GCSAML: variants seen among roughly 807,000 people sequenced by gnomAD.
GCSAML encodes the protein germinal center associated signaling and motility like.
In GCSAML, 9 loss-of-function variants were observed where a neutral mutation model predicts 13.0. That is an observed-to-expected ratio of 0.69 (90% CI 0.42 to 1.21). GCSAML has a LOEUF of 1.21. Ranked by LOEUF, GCSAML falls within the 50% of genes most tolerant of loss-of-function variation. The probability of loss-of-function intolerance (pLI) is 0.00; values close to 1 mark genes in which losing one functional copy is unlikely to be tolerated. For synonymous variants in GCSAML, 37 were observed against 52.9 expected, an observed-to-expected ratio of 0.70 and a Z score of 1.31; for missense variants, 143 against 153.4, an observed-to-expected ratio of 0.93 and a Z score of 0.36.
intron 1 of GCSAML, chr1:247,518,455 C>T (rs2103307014): frequency 6.6e-6 from 1 of 152,538 alleles, no homozygotes; most frequent in South Asian, 2.1e-4. Context: ...GCCGCCCTTT[C>T]CACGGTGACG....
chr1:247,550,446 G>T (rs1452442045), intron 1 of GCSAML, among the ~76,000 whole-genome samples: 1 of 152,084 alleles, frequency 6.6e-6, no homozygotes, highest in Non-Finnish European at 1.5e-5. Flanking sequence ...GACCATTCTG[G>T]CTAACACGGT....
intron 1 of GCSAML, among the ~76,000 whole-genome samples, chr1:247,515,085 T>C (rs1311849868): frequency 6.6e-6 from 1 of 152,212 alleles, no homozygotes; most frequent in African/African-American, 2.4e-5. Flanking sequence ...ATTGTACCCA[T>C]CCATGAGCAT....
chr1:247,551,717 C>T (rs1172011067), intron 1 of GCSAML, among the ~76,000 whole-genome samples: 1 of 152,142 alleles, frequency 6.6e-6, no homozygotes, highest in Admixed American at 6.5e-5. Flanking sequence ...ACACAGGAAC[C>T]TCAGAATGAA....
chr1:247,557,337 T>C (rs1463292260), intron 2 of GCSAML, among the ~76,000 whole-genome samples: 1 of 152,086 alleles, frequency 6.6e-6, no homozygotes, highest in Non-Finnish European at 1.5e-5. Context: ...GCTCAACCCT[T>C]GCAAGACACT....
chr1:247,535,149 CA>C (rs1448843152), intron 2 of GCSAML, among the ~76,000 whole-genome samples: 2 of 151,844 alleles, frequency 1.3e-5, no homozygotes, highest in African/African-American at 4.8e-5. Flanking sequence ...ATTGTCTTTA[CA>C]AAAAAATAAA....
intron 2 of GCSAML, among the ~76,000 whole-genome samples, chr1:247,537,176 T>A (rs1235893183): frequency 3.3e-5 from 5 of 152,248 alleles, no homozygotes; most frequent in Non-Finnish European, 7.3e-5. Flanking sequence ...TTTCTCTATG[T>A]ATGGATTTGC....
intron 3 of GCSAML, among the ~76,000 whole-genome samples, chr1:247,564,361 C>G (rs900561734): frequency 7.2e-6 from 1 of 138,084 alleles, no homozygotes; most frequent in Admixed American, 7.7e-5. Context: ...CCAGCCTGAG[C>G]AATGTAGCAA....
chr1:247,522,575 A>G (rs1666491140), intron 1 of GCSAML, among the ~76,000 whole-genome samples: 1 of 152,200 alleles, frequency 6.6e-6, no homozygotes, highest in African/African-American at 2.4e-5. Context: ...ACTAAGAAAA[A>G]TTATTCTGCC....
At chr1:247,522,191 C>T (rs1438128016) in intron 1 of GCSAML, among the ~76,000 whole-genome samples, 1 of 151,408 alleles carries the variant, frequency 6.6e-6, no homozygotes, top group African/African-American at 2.4e-5. Flanking sequence ...CGGCAGCCGC[C>T]CTGTCTGGGA....
At chr1:247,563,708 C>T in intron 3 of GCSAML, 69 bp downstream of exon 3, 2 of 815,076 alleles carry the variant, frequency 2.5e-6, no homozygotes, top group South Asian at 3.3e-5. Flanking sequence ...TTAGCAGACA[C>T]TCTTGAGCCT....
Position 247,537,668 on chromosome 1 carries a change from CT to C in GCSAML, c.-148+10624del, listed in dbSNP as rs925809774. The stretch of plus-strand genomic sequence containing the variant: ...CTTGTTATTTTCCACTTTTTACAAT[CT>C]TTTTTTTTTCCTTTATGGCCATCGT... On this transcript the variant is annotated intron_variant, in intron 2 of 5. Coordinates refer to the GCSAML transcript ENST00000366489. Among the ~76,000 whole-genome samples the C allele has an allele frequency of 2.9e-4, 43 of 150,354 alleles. No individual in the cohort carries two copies. The South Asian group carries it at 6.1e-3, about 21-fold the overall frequency.
intron 2 of GCSAML, among the ~76,000 whole-genome samples, chr1:247,562,033 G>T (rs1307797655): frequency 6.6e-6 from 1 of 152,028 alleles, no homozygotes; most frequent in Admixed American, 6.6e-5. Flanking sequence ...TAAAGGCAGG[G>T]GTAAATTTCA....
intron 2 of GCSAML, among the ~76,000 whole-genome samples, chr1:247,541,958 C>T (rs369776483): frequency 3.8e-4 from 56 of 148,354 alleles, no homozygotes; most frequent in African/African-American, 1.3e-3. Context: ...TACAGTGAGC[C>T]GAGATTGTTC....
chr1:247,546,189 T>C (rs1478169837), upstream of GCSAML, among the ~76,000 whole-genome samples: 1 of 152,114 alleles, frequency 6.6e-6, no homozygotes, highest in Non-Finnish European at 1.5e-5. Flanking sequence ...GATGGGACGG[T>C]TTCGCTCTGT....
chr1:247,550,749 T>C (rs140762999), intron 1 of GCSAML, among the ~76,000 whole-genome samples: 1 of 152,240 alleles, frequency 6.6e-6, no homozygotes, highest in East Asian at 1.9e-4. Context: ...ATGACACAAT[T>C]GTGCTGAGAG....
Position 247,574,468 on chromosome 1 carries a change from C to A in GCSAML, c.*86C>A. 2 of 1,405,958 alleles carry A rather than the reference C, an allele frequency of 1.4e-6. No individual in the cohort carries two copies. The highest frequency in any genetic ancestry group is 1.9e-6 in the Non-Finnish European group (2 of 1,025,746). The allele number at this position is 1,405,958 out of a possible 1,614,324, so 87.1% of individuals were successfully genotyped here. ...GCGAAGTTGTTCACCCTGAGCAGTG[C>A]ATGAAACATTCCTTTCTGGCTAAAG... On this transcript the variant is annotated 3_prime_UTR_variant, in exon 5 of 5. Transcript: ENST00000366488.
intron 2 of GCSAML, chr1:247,531,647 G>C (rs6702693): frequency 0.16 from 261,338 of 1,613,456 alleles, 22,487 homozygotes; most frequent in South Asian, 0.26. Context: ...GTGTAAATAA[G>C]TGGGTTCAGC....
At chr1:247,568,214 A>G (rs1181117220) in intron 4 of GCSAML, among the ~76,000 whole-genome samples, 1 of 152,142 alleles carries the variant, frequency 6.6e-6, no homozygotes, top group African/African-American at 2.4e-5. Context: ...TTCTGTTGCA[A>G]TTGCTTTTGG....
intron 1 of GCSAML, among the ~76,000 whole-genome samples, chr1:247,522,896 CAA>C (rs1666506156): frequency 7.0e-6 from 1 of 143,014 alleles, no homozygotes; most frequent in Non-Finnish European, 1.5e-5. Flanking sequence ...GAGAAACACC[CAA>C]GAATGATCAA....
Sources: gnomAD v4.1 joint callset for allele counts (sites outside exome capture counted in the v4.1 genomes callset) on GRCh38, gnomAD v4.1.1 for gene constraint, MANE v1.5 for transcripts, NCBI Gene and HGNC (gene_info 2026-07-23, HGNC 2026-07-21) for gene names.